The following PEX7 variants were observed in gnomAD, a reference collection of about 807,000 sequenced individuals.
PEX7 encodes the protein PTS2 receptor.
Under a neutral mutation model 47.5 loss-of-function variants are expected in PEX7, and 34 were observed. That is an observed-to-expected ratio of 0.72 (90% CI 0.54 to 0.95). The LOEUF is 0.95. Among genes scored for constraint, PEX7 ranks in the 40% least tolerant of loss-of-function variants. PEX7 has a pLI of 0.00. For synonymous variants in PEX7, 141 were observed against 148.8 expected (o/e 0.95, Z 0.38); for missense variants, 394 against 400.3 (o/e 0.98, Z 0.13).
chr6:136,826,218 G>A, intron 2 of PEX7, 101 bp from the exon 3 acceptor site: 2 of 1,313,314 alleles, frequency 1.5e-6, no homozygotes, highest in South Asian at 2.4e-5. Context: ...TAAAATGTGT[G>A]ATAAATTGAA....
At chr6:136,874,780 A>C (rs1775241125) in intron 8 of PEX7, among the ~76,000 whole-genome samples, 1 of 151,934 alleles carries the variant, frequency 6.6e-6, no homozygotes, top group Non-Finnish European at 1.5e-5. Flanking sequence ...AGTTCTTTGA[A>C]TATCTAGTGG....
intron 8 of PEX7, among the ~76,000 whole-genome samples, chr6:136,890,736 A>G (rs1775539650): frequency 6.6e-6 from 1 of 152,198 alleles, no homozygotes; most frequent in South Asian, 2.1e-4. Flanking sequence ...TAATGTCACT[A>G]ATAAATGACC....
At chr6:136,839,342 T>A (rs1774452031) in intron 3 of PEX7, among the ~76,000 whole-genome samples, 1 of 152,244 alleles carries the variant, frequency 6.6e-6, no homozygotes. Flanking sequence ...CAATTTTTAA[T>A]TAAGTAGACC....
intron 5 of PEX7, among the ~76,000 whole-genome samples, chr6:136,864,807 G>A (rs1562743388): frequency 6.6e-6 from 1 of 152,060 alleles, no homozygotes; most frequent in Non-Finnish European, 1.5e-5. Flanking sequence ...GCTGCATGTT[G>A]GGCATTCTGT....
chr6:136,823,389 A>G, intron 1 of PEX7: 1 of 978,948 alleles, frequency 1.0e-6, no homozygotes, highest in Non-Finnish European at 1.2e-6. Context: ...AGTAGGTGTT[A>G]CAGACTCCAG....
Position 136,896,345 on chromosome 6 carries a change from C to T in PEX7, c.804-1797C>T, listed in dbSNP as rs145821486. Reference sequence around the variant, plus strand: ...ACCCGGATTACATCAAATTGACTTTCCCTTAGACCCATTCTTTTAAACTGC... The same window carrying T: ...ACCCGGATTACATCAAATTGACTTTTCCTTAGACCCATTCTTTTAAACTGC... On this transcript the variant is annotated intron_variant, in intron 8 of 9. Transcript: ENST00000318471. Among the ~76,000 whole-genome samples the T allele has an allele frequency of 5.6e-3, 852 of 152,272 alleles. 4 individuals carry two copies. Among genetic ancestry groups the T allele is most frequent in the Middle Eastern group, 0.01 (3 of 294 alleles).
Position 136,898,142 on chromosome 6 carries a change from A to G in PEX7, c.804A>G (p.Arg268=). 6.3e-7 allele frequency: 1 copy of G among 1,584,286 alleles called. No homozygotes were observed. The change falls in exon 9 of 10, where the codon AGA becomes AGG. Residue 268 remains arginine, a splice_region_variant and synonymous_variant. Coordinates refer to ENST00000318471, the MANE Select transcript of PEX7 (RefSeq NM_000288.4). ...TATTCCCTTTTATTTATCTTCACAG[A>G]TTCTGGAACTTTTCAAAGCCTGACT... ...LASCSYDFTV[R]FWNFSKPDSL...
rs1381852129 is a variant in PEX7, at chr6:136,913,700, C to T, written c.*174C>T. ...GAGCTGATAAAGACTTTAGCTGACT[C>T]GTTAAGCCTGATACATAAGCCATAT... is the stretch of plus-strand genomic sequence containing the variant. On this transcript the variant is annotated 3_prime_UTR_variant, in exon 10 of 10. Transcript: ENST00000318471. 8.0e-6 allele frequency: 5 copies of T among 628,238 alleles called. No homozygotes were observed. The highest frequency in any genetic ancestry group is 3.7e-5 in the South Asian group (2 of 54,166). 38.9% of individuals were successfully genotyped at this position (628,238 alleles called of 1,614,324 possible). A position where few individuals can be genotyped will look rare whatever the true frequency, so the allele number is the denominator to read the frequency against.
At chr6:136,855,749 G>A in intron 5 of PEX7, 1 of 399,544 alleles carries the variant, frequency 2.5e-6, no homozygotes, top group Non-Finnish European at 4.9e-6. Flanking sequence ...CAGTTTGCCT[G>A]AGTTTTAAAA....
intron 3 of PEX7, among the ~76,000 whole-genome samples, chr6:136,827,951 T>G (rs183954114): frequency 6.6e-6 from 1 of 152,210 alleles, no homozygotes; most frequent in East Asian, 1.9e-4. Context: ...TGTATTATAA[T>G]GTATTTCTTT....
At chr6:136,844,091 ACG>A (rs1238402285) in intron 3 of PEX7, among the ~76,000 whole-genome samples, 1 of 152,162 alleles carries the variant, frequency 6.6e-6, no homozygotes, top group African/African-American at 2.4e-5. Flanking sequence ...TAGGCTGGGC[ACG>A]GTGGCTCATG....
intron 8 of PEX7, among the ~76,000 whole-genome samples, chr6:136,888,432 T>C (rs1318457455): frequency 1.3e-5 from 2 of 152,212 alleles, no homozygotes; most frequent in Non-Finnish European, 2.9e-5. Flanking sequence ...ATATCTTAGC[T>C]AGAAATGTCT....
intron 9 of PEX7, 63 bp from the exon 10 acceptor site, chr6:136,913,395 C>A: frequency 8.9e-7 from 1 of 1,123,998 alleles, no homozygotes; most frequent in African/African-American, 1.5e-5. Context: ...TGAGTTTTTG[C>A]TGTCAATTTT....
intron 5 of PEX7, among the ~76,000 whole-genome samples, chr6:136,863,340 G>A: frequency 6.6e-6 from 1 of 151,886 alleles, no homozygotes; most frequent in East Asian, 1.9e-4. Context: ...CCTTAGCTAG[G>A]TCCAAAAATG....
At chr6:136,843,083 A>G (rs778586563) in intron 3 of PEX7, among the ~76,000 whole-genome samples, 3 of 152,272 alleles carry the variant, frequency 2.0e-5, no homozygotes, top group Non-Finnish European at 2.9e-5. Flanking sequence ...TTCTGATTCA[A>G]CAGTGCCCTC....
intron 5 of PEX7, among the ~76,000 whole-genome samples, chr6:136,848,811 C>CT (rs1166962450): frequency 2.6e-5 from 4 of 151,944 alleles, no homozygotes; most frequent in Admixed American, 6.6e-5. Flanking sequence ...CTAAAATTCT[C>CT]TTTTTTTTGT....
intron 3 of PEX7, among the ~76,000 whole-genome samples, chr6:136,837,236 C>T (rs778462265): frequency 6.0e-5 from 9 of 151,212 alleles, no homozygotes; most frequent in African/African-American, 1.9e-4. Context: ...TGGTGGCGGC[C>T]TCTGTAGTTC....
chr6:136,896,201 T>A (rs1775647503), intron 8 of PEX7, among the ~76,000 whole-genome samples: 1 of 152,240 alleles, frequency 6.6e-6, no homozygotes, highest in Non-Finnish European at 1.5e-5. Flanking sequence ...ATTCTCGTTG[T>A]TTTGTATTAT....
At chr6:136,895,193 A>G (rs1775628123) in intron 8 of PEX7, among the ~76,000 whole-genome samples, 1 of 152,196 alleles carries the variant, frequency 6.6e-6, no homozygotes, top group African/African-American at 2.4e-5. Flanking sequence ...TATACTCATT[A>G]AACTGTTAAC....
Sources: allele counts gnomAD v4.1 joint callset (sites outside exome capture counted in the v4.1 genomes callset), GRCh38; gene constraint gnomAD v4.1.1; transcripts MANE v1.5; gene names NCBI Gene and HGNC (gene_info 2026-07-23, HGNC 2026-07-21).